Variants in KIF13B observed in about 807,000 individuals in gnomAD.
The protein encoded by KIF13B is kinesin-like protein KIF13B.
In KIF13B, 127 loss-of-function variants were observed where a neutral mutation model predicts 222.0. The observed-to-expected ratio is 0.57, with a 90% confidence interval of 0.50 to 0.66. The LOEUF (loss-of-function observed/expected upper bound fraction) is 0.66. Ranked by LOEUF, KIF13B falls within the 30% of genes least tolerant of loss-of-function variation. The pLI is 0.00. For missense variants in KIF13B, 2,173 were observed against 2,379.0 expected (o/e 0.91, Z 1.80); for synonymous variants, 976 against 919.0 (o/e 1.06, Z -1.12).
At chr8:29,108,330 G>A (rs1006761672) in intron 34 of KIF13B, 138 bp from the exon 35 acceptor site, 13 of 694,232 alleles carry the variant, frequency 1.9e-5, no homozygotes, top group South Asian at 1.6e-4. Context: ...GACGAAGGCT[G>A]CACACTAGTG....
Position 29,069,296 on chromosome 8 carries a change from A to T in KIF13B, c.*1208T>A, listed in dbSNP as rs895148812. 9 of 152,190 alleles carry T rather than the reference A, an allele frequency of 5.9e-5. No individual in the cohort carries two copies. Among genetic ancestry groups the T allele is most frequent in the African/African-American group, 1.7e-4 (7 of 41,440 alleles). 9.4% of individuals were successfully genotyped at this position (152,190 alleles called of 1,614,324 possible). A position where few individuals can be genotyped will look rare whatever the true frequency, so the allele number is the denominator to read the frequency against. On this transcript the variant is annotated 3_prime_UTR_variant, in exon 40 of 40. Transcript: ENST00000524189. ...AGCTTCCGGCTGTCCCGCCCACACC[A>T]TGCACGGTGGGCCTGGGGGCGTGGC...
chr8:29,181,994 C>G lies in KIF13B; in HGVS notation c.510G>C (p.Thr170=). The G allele has an allele frequency of 6.2e-7, 1 of 1,612,334 alleles. No individual in the cohort carries two copies. The highest frequency in any genetic ancestry group is 8.5e-7 in the Non-Finnish European group (1 of 1,179,194). Reference sequence around the variant, plus strand: ...ACACACTATGCTCTCTGACTTTCAACGTCTGACGGCTTCTGTTCATGAAAA... The same window carrying G: ...ACACACTATGCTCTCTGACTTTCAAGGTCTGACGGCTTCTGTTCATGAAAA... The part of the protein sequence containing the change: ...DLLDPKGSRQ[T]LKVREHSVLG... The change falls in exon 7 of 40, where the codon ACG becomes ACC. Residue 170 remains threonine (T), a synonymous_variant. Coordinates refer to ENST00000524189, the MANE Select transcript of KIF13B (RefSeq NM_015254.4).
At chr8:29,112,597 C>A (rs948193395) in intron 32 of KIF13B, among the ~76,000 whole-genome samples, 2 of 152,098 alleles carry the variant, frequency 1.3e-5, no homozygotes, top group Admixed American at 6.5e-5. Context: ...ATGTCTCACA[C>A]CCCCACTTCT....
intron 37 of KIF13B, among the ~76,000 whole-genome samples, chr8:29,089,067 A>C (rs1406490090): frequency 6.6e-6 from 1 of 152,036 alleles, no homozygotes; most frequent in Non-Finnish European, 1.5e-5. Context: ...TCTAATCCCC[A>C]CTCAGCCATG....
At chr8:29,175,413 C>T (rs556330491) in intron 10 of KIF13B, among the ~76,000 whole-genome samples, 1 of 152,100 alleles carries the variant, frequency 6.6e-6, no homozygotes, top group South Asian at 2.1e-4. Flanking sequence ...CCAGAGAGGG[C>T]AAGAAGCGCC....
chr8:29,168,047 G>A (rs1465456778), intron 10 of KIF13B, among the ~76,000 whole-genome samples: 2 of 152,182 alleles, frequency 1.3e-5, no homozygotes, highest in African/African-American at 4.8e-5. Flanking sequence ...GGCTCAGAAA[G>A]TTGCTGTTAC....
At chr8:29,087,106 G>A (rs1174827157) in intron 37 of KIF13B, among the ~76,000 whole-genome samples, 1 of 152,220 alleles carries the variant, frequency 6.6e-6, no homozygotes, top group Non-Finnish European at 1.5e-5. Context: ...GTGACACAGA[G>A]GATGGCCCTG....
Position 29,118,945 on chromosome 8 carries a change from C to A in KIF13B, c.3583G>T (p.Gly1195Ter). The A allele has an allele frequency of 6.2e-7, 1 of 1,613,926 alleles. No homozygotes were observed. The highest frequency in any genetic ancestry group is 8.5e-7 in the Non-Finnish European group (1 of 1,179,832). ...QDNLDDPEAG[G>*]WDATLTGEEE... ...TCCCCAGTCAAGGTCGCATCCCATC[C>A]ACCAGCTTCTGGGTCATCAAGATTA... Residue 1195 changes from glycine (G) to a stop codon, truncating the protein, a stop_gained, in exon 30 of 40, where the codon GGA becomes TGA. Coordinates refer to ENST00000524189, the MANE Select transcript of KIF13B (RefSeq NM_015254.4). LOFTEE classifies it high-confidence loss of function.
At position 29,130,548 on chromosome 8, in the gene KIF13B, G is replaced by T. The variant is rs748373907; in HGVS notation, c.3060C>A (p.Ile1020=). The change falls in exon 24 of 40, where the codon ATC becomes ATA. Residue 1020 remains isoleucine, a synonymous_variant. Coordinates refer to ENST00000524189, the MANE Select transcript of KIF13B (RefSeq NM_015254.4). ...ATCTTGTTACCTGCCGGAGCTGGAA[G>T]ATTCCTCCTGTTGGGACATCCTTTG... ...ISAKDVPTGG[I]FQLRQGQSRR... is the part of the protein sequence containing the mutation. 1 of 1,613,810 alleles carries T rather than the reference G, an allele frequency of 6.2e-7. No homozygotes were observed. Among genetic ancestry groups the T allele is most frequent in the African/African-American group, 1.3e-5 (1 of 75,054 alleles).
intron 2 of KIF13B, among the ~76,000 whole-genome samples, chr8:29,215,741 T>C (rs1814449019): frequency 6.6e-6 from 1 of 152,220 alleles, no homozygotes; most frequent in South Asian, 2.1e-4. Context: ...AAGCTAAAGA[T>C]GTTTTGAAGA....
intron 2 of KIF13B, among the ~76,000 whole-genome samples, chr8:29,243,559 G>C (rs1815877140): frequency 6.6e-6 from 1 of 151,846 alleles, no homozygotes; most frequent in Admixed American, 6.6e-5. Context: ...GGGAGGCTGA[G>C]GCATGAGAAT....
rs1452596830 is a variant in KIF13B at position 29,191,181 on chromosome 8, T to C, written c.163-124A>G. 1.3e-5 allele frequency: 9 copies of C among 704,804 alleles called. No individual in the cohort carries two copies. The Admixed American group carries it at 1.3e-4, about 10-fold the overall frequency. The allele number at this position is 704,804 out of a possible 1,614,324, so 43.7% of individuals were successfully genotyped here. On this transcript the variant is annotated intron_variant, in intron 3 of 39. Coordinates refer to ENST00000524189, the MANE Select transcript of KIF13B (RefSeq NM_015254.4). ...ACTGTCATACAATGGGAATTAATTATGTATGTAGAGGCTTACAATGAGAAC... is the reference window on the plus strand; with the variant it reads ...ACTGTCATACAATGGGAATTAATTACGTATGTAGAGGCTTACAATGAGAAC...
chr8:29,135,153 C>CCAGCCT (rs1810500789), intron 21 of KIF13B, among the ~76,000 whole-genome samples: 1 of 152,126 alleles, frequency 6.6e-6, no homozygotes, highest in South Asian at 2.1e-4. Flanking sequence ...AAGCGATCCT[C>CCAGCCT]CAGCCTCAGC....
intron 14 of KIF13B, 84 bp from the exon 15 acceptor site, chr8:29,150,467 T>C: frequency 1.5e-6 from 1 of 661,360 alleles, no homozygotes; most frequent in South Asian, 1.9e-5. Context: ...AGAGATATAG[T>C]TACTAGGGAA....
At chr8:29,086,057 G>A (rs1808039931) in intron 37 of KIF13B, among the ~76,000 whole-genome samples, 1 of 151,910 alleles carries the variant, frequency 6.6e-6, no homozygotes, top group Non-Finnish European at 1.5e-5. Flanking sequence ...TCATTGTTTG[G>A]TGAAGCCATA....
chr8:29,150,270 C>G (rs982811806), intron 15 of KIF13B, 27 bp downstream of exon 15: 3 of 1,274,620 alleles, frequency 2.4e-6, no homozygotes, highest in Non-Finnish European at 1.1e-6. Flanking sequence ...TCAACAATCT[C>G]TTTAAGGGAC....
At chr8:29,085,374 T>TGTAC (rs1395493378) in intron 37 of KIF13B, among the ~76,000 whole-genome samples, 1 of 152,224 alleles carries the variant, frequency 6.6e-6, no homozygotes, top group Non-Finnish European at 1.5e-5. Context: ...ACACAACTTG[T>TGTAC]GTACCTCTTT....
At chr8:29,255,834 C>T (rs1365061346) in intron 1 of KIF13B, among the ~76,000 whole-genome samples, 2 of 152,028 alleles carry the variant, frequency 1.3e-5, no homozygotes, top group African/African-American at 2.4e-5. Context: ...CATGTGATTG[C>T]TTTCACCTTT....
intron 21 of KIF13B, among the ~76,000 whole-genome samples, chr8:29,137,296 G>A (rs1383836149): frequency 1.3e-5 from 2 of 152,208 alleles, no homozygotes; most frequent in Non-Finnish European, 2.9e-5. Flanking sequence ...AAGACTGTCA[G>A]CCATAAGAAA....
Sources: gnomAD v4.1 joint callset for allele counts (sites outside exome capture counted in the v4.1 genomes callset) on GRCh38, gnomAD v4.1.1 for gene constraint, MANE v1.5 for transcripts, NCBI Gene and HGNC (gene_info 2026-07-23, HGNC 2026-07-21) for gene names.